Variants in TNFRSF1A observed in about 807,000 individuals in gnomAD.
TNFRSF1A encodes tumor necrosis factor receptor superfamily member 1A.
Under a neutral mutation model 41.6 loss-of-function variants are expected in TNFRSF1A, and 9 were observed. That is an observed-to-expected ratio of 0.22 (90% CI 0.13 to 0.38). TNFRSF1A has a LOEUF of 0.38. TNFRSF1A is among the 10% of genes least tolerant of loss of function. The probability of loss-of-function intolerance (pLI) is 1.00; values close to 1 mark genes in which losing one functional copy is unlikely to be tolerated. For synonymous variants in TNFRSF1A, 254 were observed against 248.6 expected (o/e 1.02, Z -0.21); for missense variants, 463 against 591.5 (o/e 0.78, Z 2.25).
In TNFRSF1A at chr12:6,337,204, G is replaced by T. The variant is rs895383700; in HGVS notation, c.40-2960C>A. Among the ~76,000 whole-genome samples, 17 of 152,226 alleles carry T rather than the reference G, an allele frequency of 1.1e-4. No homozygotes were observed. The highest frequency in any genetic ancestry group is 3.2e-3 in the Middle Eastern group (1 of 316). On this transcript the variant is annotated intron_variant, in intron 1 of 9. Transcript: ENST00000162749. The surrounding 1 kb of genome is among the most constrained non-coding windows in gnomAD (Gnocchi z 4.6). ...TGCTGGCACCAGCTGGCCCCAGTAA[G>T]CCCAGTCCTCAGCAGTTGCGTAAAT...
At position 6,339,985 on chromosome 12, in the gene TNFRSF1A, C is replaced by T. The variant is rs113948383; in HGVS notation, c.39+1791G>A. Among the ~76,000 whole-genome samples, 106 of 152,274 alleles carry T rather than the reference C, an allele frequency of 7.0e-4. 1 individual carries two copies. The highest frequency in any genetic ancestry group is 1.3e-3 in the Non-Finnish European group (87 of 68,028). On this transcript the variant is annotated intron_variant, in intron 1 of 9. Coordinates refer to ENST00000162749, the MANE Select transcript of TNFRSF1A (RefSeq NM_001065.4). Reference sequence around the variant, plus strand: ...GGCCAGGCTTCTGTCCCTTAGGAGACATAATCCCACCTGGGCTGAAGCACC... The same window carrying T: ...GGCCAGGCTTCTGTCCCTTAGGAGATATAATCCCACCTGGGCTGAAGCACC...
At chr12:6,332,183 G>A (rs1381353023) in intron 5 of TNFRSF1A, among the ~76,000 whole-genome samples, 2 of 151,932 alleles carry the variant, frequency 1.3e-5, no homozygotes, top group Admixed American at 1.3e-4. Context: ...GCTCATGCCC[G>A]TAATCCTAGC....
In TNFRSF1A at chr12:6,329,845, G is replaced by A. The variant is rs1461021634; in HGVS notation, c.990C>T (p.Ala330=). The change falls in exon 9 of 10, where the codon GCC becomes GCT. Residue 330 remains alanine (A), a synonymous_variant. Transcript: ENST00000162749. ...GAAGGGGGTTGGGGATGGGGTCGGA[G>A]GCGAGGGCTGTCGCAAGGATGGGGT... The part of the protein sequence containing the change: ...GADPILATAL[A]SDPIPNPLQK... The A allele has an allele frequency of 5.0e-6, 8 of 1,602,930 alleles. No homozygotes were observed. Among genetic ancestry groups the A allele is most frequent in the Non-Finnish European group, 6.8e-6 (8 of 1,175,628 alleles).
intron 1 of TNFRSF1A, among the ~76,000 whole-genome samples, chr12:6,340,503 G>A (rs538964609): frequency 2.8e-4 from 43 of 152,302 alleles, no homozygotes; most frequent in African/African-American, 7.5e-4. Context: ...AGGGAAGAGC[G>A]GGTGGGACTA....
Position 6,332,989 on chromosome 12 carries a change from G to A in TNFRSF1A, c.551+80C>T, listed in dbSNP as rs764688101. ...ACTCTGGGGCATCCTGGCATCTGTT[G>A]CCCAGCTAATGGTTCCCACCAGTCA... On this transcript the variant is annotated intron_variant, in intron 5 of 9. Transcript: ENST00000162749. The A allele has an allele frequency of 1.2e-4, 162 of 1,319,832 alleles. 1 individual carries two copies. The highest frequency in any genetic ancestry group is 1.2e-4 in the Admixed American group (7 of 59,384). 81.8% of individuals were successfully genotyped at this position (1,319,832 alleles called of 1,614,324 possible).
intron 5 of TNFRSF1A, chr12:6,331,478 T>C (rs1437613644): frequency 4.7e-6 from 1 of 214,452 alleles, no homozygotes; most frequent in East Asian, 1.2e-4. Context: ...ATGTGAAAAA[T>C]TTAAAAACAC....
intron 1 of TNFRSF1A, among the ~76,000 whole-genome samples, chr12:6,340,082 C>T (rs1442609664): frequency 1.3e-5 from 2 of 152,146 alleles, no homozygotes; most frequent in East Asian, 1.9e-4. Flanking sequence ...CAGGTAGCCA[C>T]CCAGTAATTA....
chr12:6,339,638 T>TG (rs1012077800), intron 1 of TNFRSF1A, among the ~76,000 whole-genome samples: 2 of 152,186 alleles, frequency 1.3e-5, no homozygotes, highest in Non-Finnish European at 2.9e-5. Flanking sequence ...TCCCAACTGG[T>TG]GCTCCAGGAC....
At chr12:6,339,641 T>C (rs1565470403) in intron 1 of TNFRSF1A, among the ~76,000 whole-genome samples, 1 of 152,168 alleles carries the variant, frequency 6.6e-6, no homozygotes, top group Non-Finnish European at 1.5e-5. Flanking sequence ...CAACTGGTGC[T>C]CCAGGACACC....
intron 5 of TNFRSF1A, chr12:6,331,467 C>A: frequency 4.7e-6 from 1 of 212,850 alleles, no homozygotes; most frequent in Non-Finnish European, 9.7e-6. Flanking sequence ...GTCAAACATG[C>A]ATGTGAAAAA....
intron 1 of TNFRSF1A, among the ~76,000 whole-genome samples, chr12:6,340,395 T>C (rs536298562): frequency 1.3e-5 from 2 of 152,252 alleles, no homozygotes; most frequent in East Asian, 1.9e-4. Flanking sequence ...GCAGGAGGTA[T>C]GTGAGGGAGC....
chr12:6,339,841 T>TCTCA (rs762783221), intron 1 of TNFRSF1A, among the ~76,000 whole-genome samples: 2,242 of 113,624 alleles, frequency 0.02, 46 homozygotes, highest in African/African-American at 0.05. Context: ...TCTCTCTCTC[T>TCTCA]CACACACACA....
rs1022219807 is a variant in TNFRSF1A at position 6,337,654 on chromosome 12, T to A, written c.40-3410A>T. On this transcript the variant is annotated intron_variant, in intron 1 of 9. Coordinates refer to ENST00000162749, the MANE Select transcript of TNFRSF1A (RefSeq NM_001065.4). The surrounding 1 kb of genome is among the most constrained non-coding windows in gnomAD (Gnocchi z 4.6). ...CCCGGCTCCTTAGACCCATAGTCCC[T>A]GTGAACTCGAAGCACGTGAACTGAC... is the stretch of plus-strand genomic sequence containing the variant. Among the ~76,000 whole-genome samples the A allele has an allele frequency of 6.6e-6, 1 of 152,206 alleles. No individual in the cohort carries two copies. Among genetic ancestry groups the A allele is most frequent in the Non-Finnish European group, 1.5e-5 (1 of 68,028 alleles).
At chr12:6,330,988 A>G (rs930708686) in intron 5 of TNFRSF1A, 62 bp from the exon 6 acceptor site, 2 of 1,395,684 alleles carry the variant, frequency 1.4e-6, no homozygotes, top group East Asian at 4.6e-5. Flanking sequence ...CAGAAAAACA[A>G]CCACACAGAT....
intron 5 of TNFRSF1A, among the ~76,000 whole-genome samples, chr12:6,332,314 C>T (rs879632917): frequency 3.3e-5 from 5 of 151,752 alleles, no homozygotes; most frequent in African/African-American, 4.8e-5. Context: ...TGGTGTGTGC[C>T]TCTAATCCCA....
chr12:6,330,733 G>A (rs778626070), intron 6 of TNFRSF1A, 22 bp from the exon 7 acceptor site: 25 of 1,604,020 alleles, frequency 1.6e-5, no homozygotes, highest in Non-Finnish European at 2.0e-5. Context: ...GCAGGTGTTG[G>A]TCAGAGGAGC....
rs1249153733 is a variant in TNFRSF1A, at chr12:6,334,656, C to G, written c.40-412G>C. ...GGGACTACGGCCGTGAACCACCATG[C>G]CCAGCTAATTTTTTTTTATTTTTAG... is the stretch of plus-strand genomic sequence containing the variant. On this transcript the variant is annotated intron_variant, in intron 1 of 9. Transcript: ENST00000162749. This position sits in a 1 kb window ranked among gnomAD's most constrained non-coding sequence, Gnocchi z 5.1. Among the ~76,000 whole-genome samples the G allele has an allele frequency of 6.6e-6, 1 of 152,086 alleles. No homozygotes were observed. The highest frequency in any genetic ancestry group is 6.6e-5 in the Admixed American group (1 of 15,264).
In TNFRSF1A at chr12:6,337,074, C is replaced by T. The variant is rs4149629; in HGVS notation, c.40-2830G>A. Among the ~76,000 whole-genome samples, 1,211 of 152,332 alleles carry T rather than the reference C, an allele frequency of 7.9e-3. 17 individuals are homozygous for T. The highest frequency in any genetic ancestry group is 0.027 in the African/African-American group (1,124 of 41,570). ...CAAGAAGGGATGCCGGATGGAAGAA[C>T]CAGCCCTGCTTCCTAGGCTTCCCCT... On this transcript the variant is annotated intron_variant, in intron 1 of 9. Transcript: ENST00000162749. The surrounding 1 kb of genome is among the most constrained non-coding windows in gnomAD (Gnocchi z 4.6).
chr12:6,333,735 A>G lies in TNFRSF1A; in HGVS notation c.322+2T>C. The G allele has an allele frequency of 6.4e-7, 1 of 1,567,772 alleles. No homozygotes were observed. Among genetic ancestry groups the G allele is most frequent in the Non-Finnish European group, 8.7e-7 (1 of 1,155,200 alleles). ...CTGACTCTCCTGCCTGTGCACACTC[A>G]CCCTTTCGGCATTTGGAGCAGCTGA... On this transcript the variant is annotated splice_donor_variant, in intron 3 of 9. Transcript: ENST00000162749. LOFTEE classifies it high-confidence loss of function. The surrounding 1 kb of genome is among the most constrained non-coding windows in gnomAD (Gnocchi z 6.3).
Sources: gnomAD v4.1 joint callset for allele counts (sites outside exome capture counted in the v4.1 genomes callset) on GRCh38, gnomAD v4.1.1 for gene constraint, Gnocchi (gnomAD v3.1) non-coding constraint, MANE v1.5 for transcripts, NCBI Gene and HGNC (gene_info 2026-07-23, HGNC 2026-07-21) for gene names.